ARMH3: variants seen among roughly 807,000 people sequenced by gnomAD.
ARMH3 encodes armadillo like helical domain containing 3.
In ARMH3, 60 loss-of-function variants were observed where a neutral mutation model predicts 99.1. The observed-to-expected ratio is 0.61, with a 90% CI of 0.49 to 0.75. The LOEUF (loss-of-function observed/expected upper bound fraction) is 0.75. Ranked by LOEUF, ARMH3 falls within the 30% of genes least tolerant of loss-of-function variation. The pLI, the probability that ARMH3 is intolerant of heterozygous loss-of-function variation, is 0.00. For synonymous variants in ARMH3, 285 were observed against 292.8 expected (o/e 0.97, Z 0.27); for missense variants, 679 against 843.1 (o/e 0.81, Z 2.41).
intron 24 of ARMH3, among the ~76,000 whole-genome samples, chr10:101,860,471 AAGG>A (rs927093198): frequency 6.6e-6 from 1 of 152,176 alleles, no homozygotes; most frequent in Non-Finnish European, 1.5e-5. Context: ...GAAGGAAAAC[AAGG>A]AGAACTTGAA....
Position 101,847,654 on chromosome 10 carries a change from G to A in ARMH3, c.1978-34C>T, listed in dbSNP as rs185009169. On this transcript the variant is annotated intron_variant, in intron 25 of 25. Coordinates refer to ENST00000370033, the MANE Select transcript of ARMH3 (RefSeq NM_024541.3). ...GGGTAGTTGGGGAAGGTGGGAGGGC[G>A]CAGCCAGAGAGAAAACAGGAGAGAG... The A allele has an allele frequency of 4.0e-5, 64 of 1,589,258 alleles. No individual in the cohort carries two copies. The African/African-American group carries it at 6.3e-4, about 16-fold the overall frequency.
intron 24 of ARMH3, among the ~76,000 whole-genome samples, chr10:101,855,489 C>G (rs945933063): frequency 1.3e-5 from 2 of 150,700 alleles, no homozygotes; most frequent in Non-Finnish European, 3.0e-5. Flanking sequence ...GTGGGAGGAT[C>G]GTTTGAGGTC....
intron 22 of ARMH3, among the ~76,000 whole-genome samples, chr10:101,941,258 C>T (rs960713804): frequency 1.3e-5 from 2 of 152,164 alleles, no homozygotes; most frequent in Admixed American, 6.5e-5. Flanking sequence ...AACAGCAATA[C>T]CTATATGAAA....
At chr10:101,992,114 T>C (rs1283270317) in intron 17 of ARMH3, 76 bp from the exon 18 acceptor site, 2 of 1,214,710 alleles carry the variant, frequency 1.6e-6, no homozygotes, top group South Asian at 2.4e-5. Flanking sequence ...ATCATGTTCC[T>C]TGTGCAAATA....
rs893117241 is a variant in ARMH3 at position 102,055,322 on chromosome 10, TAAATA to T, written c.-12+758_-12+762del. On this transcript the variant is annotated intron_variant, in intron 1 of 25. Transcript: ENST00000370033. ...CAAAATAAATAAATAAATAAATAAA[TAAATA>T]AAATAAAATAAAAAACTTTCTGGAG... Among the ~76,000 whole-genome samples, 6 of 150,226 alleles carry T rather than the reference TAAATA, an allele frequency of 4.0e-5. No individual in the cohort carries two copies. In the South Asian group the frequency reaches 6.3e-4, roughly 16 times the overall value.
At chr10:101,999,066 T>C (rs913896785) in intron 15 of ARMH3, among the ~76,000 whole-genome samples, 19 of 152,188 alleles carry the variant, frequency 1.2e-4, no homozygotes, top group Non-Finnish European at 2.5e-4. Flanking sequence ...CTATGCCAAA[T>C]TGTTAAGAGT....
At chr10:101,917,395 C>T (rs1276100546) in intron 23 of ARMH3, among the ~76,000 whole-genome samples, 1 of 152,188 alleles carries the variant, frequency 6.6e-6, no homozygotes, top group Non-Finnish European at 1.5e-5. Context: ...CTGCATAATG[C>T]AACTGAATTA....
chr10:102,038,898 C>G (rs1039498745), intron 2 of ARMH3, among the ~76,000 whole-genome samples: 1 of 151,990 alleles, frequency 6.6e-6, no homozygotes, highest in Non-Finnish European at 1.5e-5. Context: ...CGCCACCACA[C>G]CTGGATAATT....
chr10:101,887,022 TTA>T (rs1444336618), intron 24 of ARMH3, among the ~76,000 whole-genome samples: 2 of 152,320 alleles, frequency 1.3e-5, no homozygotes, highest in African/African-American at 4.8e-5. Context: ...ATGAATACTG[TTA>T]ACATTAAGTG....
In ARMH3 at chr10:101,942,865, CAA is replaced by C. The variant is rs1048644026; in HGVS notation, c.1706-2929_1706-2928del. 9.0e-4 allele frequency among the ~76,000 whole-genome samples: 82 copies of C among 91,050 alleles called. No homozygotes were observed. In the East Asian group the frequency reaches 0.014, roughly 15 times the overall value. 59.7% of individuals were successfully genotyped at this position (91,050 alleles called of 152,430 possible). A position where few individuals can be genotyped will look rare whatever the true frequency, so the allele number is the denominator to read the frequency against. On this transcript the variant is annotated intron_variant, in intron 22 of 25. Transcript: ENST00000370033. ...TAGGCAACAGAGCAAGACTCCATCT[CAA>C]AAAAAAAAAAAAAAAATGTCTTTCC...
At chr10:102,040,175 A>G in intron 1 of ARMH3, 50 bp from the exon 2 acceptor site, 1 of 1,421,376 alleles carries the variant, frequency 7.0e-7, no homozygotes, top group South Asian at 1.2e-5. Flanking sequence ...TCAGTATGAT[A>G]CTATAATGGC....
intron 1 of ARMH3, among the ~76,000 whole-genome samples, chr10:102,048,714 C>G (rs915043713): frequency 1.3e-5 from 2 of 152,108 alleles, no homozygotes; most frequent in Non-Finnish European, 2.9e-5. Context: ...CATGAGCCAC[C>G]GCACCCAGCT....
chr10:101,861,155 A>G (rs2066856704), intron 24 of ARMH3, among the ~76,000 whole-genome samples: 1 of 152,192 alleles, frequency 6.6e-6, no homozygotes, highest in South Asian at 2.1e-4. Context: ...TATAAGGCAC[A>G]TTGTAATGAA....
intron 24 of ARMH3, among the ~76,000 whole-genome samples, chr10:101,857,105 G>A (rs2066753947): frequency 1.3e-5 from 2 of 152,118 alleles, no homozygotes; most frequent in East Asian, 3.8e-4. Context: ...TTTCTAAGCT[G>A]TTCACTGTTC....
At chr10:101,906,200 T>C (rs1842630099) in intron 23 of ARMH3, among the ~76,000 whole-genome samples, 1 of 152,260 alleles carries the variant, frequency 6.6e-6, no homozygotes, top group Admixed American at 6.5e-5. Context: ...TTGGTATTTA[T>C]TTTGGATTAA....
At chr10:101,984,227 T>C (rs1002278050) in intron 19 of ARMH3, among the ~76,000 whole-genome samples, 1 of 152,206 alleles carries the variant, frequency 6.6e-6, no homozygotes, top group African/African-American at 2.4e-5. Context: ...GTGACATAAG[T>C]TGCAATATAA....
At chr10:101,968,561 G>A (rs953528633) in intron 20 of ARMH3, among the ~76,000 whole-genome samples, 1 of 152,096 alleles carries the variant, frequency 6.6e-6, no homozygotes, top group Non-Finnish European at 1.5e-5. Context: ...AATGCTCATG[G>A]GCCTATGAGA....
chr10:101,929,854 C>T (rs1431431932), intron 23 of ARMH3, among the ~76,000 whole-genome samples: 2 of 152,076 alleles, frequency 1.3e-5, no homozygotes, highest in African/African-American at 2.4e-5. Context: ...CTGAATATCC[C>T]TTATCCAAAA....
intron 24 of ARMH3, among the ~76,000 whole-genome samples, chr10:101,885,434 A>T (rs781710071): frequency 2.0e-5 from 3 of 152,252 alleles, no homozygotes; most frequent in Non-Finnish European, 4.4e-5. Flanking sequence ...ATGCAATGGA[A>T]TATTATTAAA....
Sources: gnomAD v4.1 joint callset for allele counts (sites outside exome capture counted in the v4.1 genomes callset) on GRCh38, gnomAD v4.1.1 for gene constraint, MANE v1.5 for transcripts, NCBI Gene and HGNC (gene_info 2026-07-23, HGNC 2026-07-21) for gene names.